Variants in SHOC1 observed in about 807,000 individuals in gnomAD.
SHOC1 encodes shortage in chiasmata 1, also known as protein shortage in chiasmata 1 ortholog.
In SHOC1, 136 loss-of-function variants were observed where a neutral mutation model predicts 179.2. The observed-to-expected ratio is 0.76, with a 90% confidence interval of 0.66 to 0.87. The LOEUF (loss-of-function observed/expected upper bound fraction) is 0.87, where lower values mean the gene tolerates loss of function less well. Among genes scored for constraint, SHOC1 ranks in the 40% least tolerant of loss-of-function variants. The pLI, the probability that SHOC1 is intolerant of heterozygous loss-of-function variation, is 0.00. For missense variants in SHOC1, 1,538 were observed against 1,700.8 expected, an observed-to-expected ratio of 0.90 and a Z score of 1.68; for synonymous variants, 489 against 586.6, an observed-to-expected ratio of 0.83 and a Z score of 2.41.
intron 16 of SHOC1, among the ~76,000 whole-genome samples, chr9:111,717,120 A>G (rs1832826726): frequency 6.6e-6 from 1 of 152,250 alleles, no homozygotes; most frequent in Non-Finnish European, 1.5e-5. Context: ...TACATTTATG[A>G]TTCACTGCTG....
Position 111,753,549 on chromosome 9 carries a change from A to C in SHOC1, c.862+2776T>G, listed in dbSNP as rs149076491. 8.2e-4 allele frequency among the ~76,000 whole-genome samples: 125 copies of C among 152,354 alleles called. 1 individual carries two copies. The East Asian group carries it at 0.022, about 26-fold the overall frequency. ...AAAATAAGAATTCTAAAAAAATTAA[A>C]AATCTTCAACAAAATACTAGTAAAT... On this transcript the variant is annotated intron_variant, in intron 8 of 27. Coordinates refer to ENST00000682961, the MANE Select transcript of SHOC1 (RefSeq NM_001378211.1).
intron 7 of SHOC1, among the ~76,000 whole-genome samples, chr9:111,757,376 A>G (rs1156294828): frequency 6.6e-6 from 1 of 152,196 alleles, no homozygotes; most frequent in East Asian, 1.9e-4. Flanking sequence ...TGCTGGGATC[A>G]CAGGCGTGAG....
chr9:111,702,458 G>T (rs1431938088), intron 22 of SHOC1, among the ~76,000 whole-genome samples: 1 of 152,148 alleles, frequency 6.6e-6, no homozygotes, highest in Non-Finnish European at 1.5e-5. Context: ...TGAATCTCCC[G>T]AGGTCCTAGA....
At chr9:111,763,291 A>G (rs1436712407) in intron 5 of SHOC1, among the ~76,000 whole-genome samples, 3 of 152,106 alleles carry the variant, frequency 2.0e-5, no homozygotes, top group Non-Finnish European at 2.9e-5. Flanking sequence ...ATATCTTAAA[A>G]TTGAAGTGCA....
chr9:111,727,718 G>C lies in SHOC1; in HGVS notation c.1749C>G (p.Asp583Glu), dbSNP rs767522835. 2 of 1,612,978 alleles carry C rather than the reference G, an allele frequency of 1.2e-6. No individual in the cohort carries two copies. Among genetic ancestry groups the C allele is most frequent in the Non-Finnish European group, 1.7e-6 (2 of 1,179,600 alleles). Residue 583 changes from aspartate (D) to glutamate (E), a missense_variant, in exon 13 of 28, where the codon GAC (aspartate) becomes GAG (glutamate). Asp to Glu is a conservative substitution (Grantham distance 45). Transcript: ENST00000682961. ...EHGKKQENDL[D>E]LLSDFIMLRN... ...GCAGCATAATAAAGTCGCTCAAAAG[G>C]TCCAAATCATTCTCTTGTTTTTTGC...
At chr9:111,694,009 T>C (rs1245984182) in intron 25 of SHOC1, 61 bp from the exon 26 acceptor site, 1 of 1,344,556 alleles carries the variant, frequency 7.4e-7, no homozygotes, top group African/African-American at 1.5e-5. Context: ...CATTTTATTC[T>C]ACAAGTAAGT....
chr9:111,735,976 A>T (rs897346467), intron 12 of SHOC1, among the ~76,000 whole-genome samples: 2 of 152,226 alleles, frequency 1.3e-5, no homozygotes, highest in Non-Finnish European at 2.9e-5. Context: ...TACTATTGTG[A>T]ATAGTGCTGT....
At chr9:111,719,895 C>A (rs867691552) in intron 15 of SHOC1, among the ~76,000 whole-genome samples, 126 of 152,226 alleles carry the variant, frequency 8.3e-4, no homozygotes, top group African/African-American at 2.7e-3. Context: ...TATAGGACAT[C>A]TAAGTTTAAT....
Position 111,703,963 on chromosome 9 carries a change from C to A in SHOC1, c.2885G>T (p.Cys962Phe), listed in dbSNP as rs755867056. The part of the protein sequence containing the change: ...NYNISLVERG[C>F]SESLKLFGSS... ...TCCAAAGAGTTTCAATGACTCACTG[C>A]AGCCTCTCTCTACTAGTGAGATGTT... The change falls in exon 22 of 28, where the codon TGC becomes TTC. Residue 962 changes from cysteine to phenylalanine, a missense_variant. Coordinates refer to ENST00000682961, the MANE Select transcript of SHOC1 (RefSeq NM_001378211.1). 2 of 1,601,216 alleles carry A rather than the reference C, an allele frequency of 1.2e-6. 1 individual carries two copies. The highest frequency in any genetic ancestry group is 2.2e-5 in the South Asian group (2 of 90,622).
intron 8 of SHOC1, among the ~76,000 whole-genome samples, chr9:111,754,218 A>G (rs763305428): frequency 1.3e-5 from 2 of 152,192 alleles, no homozygotes; most frequent in Non-Finnish European, 2.9e-5. Flanking sequence ...AAGGCAGAAA[A>G]GGAGGAATTG....
At chr9:111,788,159 C>G (rs1286646966) in intron 2 of SHOC1, among the ~76,000 whole-genome samples, 1 of 149,536 alleles carries the variant, frequency 6.7e-6, no homozygotes, top group Non-Finnish European at 1.5e-5. Context: ...CTCAGCCTCC[C>G]GCGTTCAAGC....
chr9:111,732,463 CA>C (rs1434256506), intron 12 of SHOC1, among the ~76,000 whole-genome samples: 2 of 151,770 alleles, frequency 1.3e-5, no homozygotes, highest in Non-Finnish European at 2.9e-5. Flanking sequence ...AAGACTTGCA[CA>C]AAAATATTTA....
At chr9:111,742,352 T>C (rs955072708) in intron 10 of SHOC1, among the ~76,000 whole-genome samples, 1 of 152,184 alleles carries the variant, frequency 6.6e-6, no homozygotes, top group Non-Finnish European at 1.5e-5. Context: ...CTGGATCCTC[T>C]ACTGGCTGAG....
At chr9:111,761,030 A>G (rs1320939703) in intron 5 of SHOC1, among the ~76,000 whole-genome samples, 1 of 152,050 alleles carries the variant, frequency 6.6e-6, no homozygotes, top group African/African-American at 2.4e-5. Flanking sequence ...AGATCATAAT[A>G]GAAAATCCAG....
At chr9:111,741,874 C>T (rs576362222) in intron 10 of SHOC1, among the ~76,000 whole-genome samples, 39 of 152,242 alleles carry the variant, frequency 2.6e-4, no homozygotes, top group African/African-American at 8.2e-4. Flanking sequence ...TCAAGTAATC[C>T]GCCCACCTTG....
At chr9:111,694,769 G>T (rs924578424) in intron 24 of SHOC1, among the ~76,000 whole-genome samples, 2 of 152,006 alleles carry the variant, frequency 1.3e-5, no homozygotes, top group Admixed American at 6.6e-5. Context: ...TATAGTGCAA[G>T]ATTTTTCAAA....
intron 16 of SHOC1, 63 bp downstream of exon 16, chr9:111,718,121 T>G (rs1832876977): frequency 8.4e-7 from 1 of 1,195,672 alleles, no homozygotes. Flanking sequence ...TTCAGAAAAG[T>G]AAGTTATTTC....
chr9:111,691,757 C>G lies in SHOC1; in HGVS notation c.4220G>C (p.Gly1407Ala). Residue 1407 changes from glycine to alanine, a missense_variant, in exon 27 of 28, where the codon GGC (glycine) becomes GCC (alanine). Gly to Ala is a moderately conservative substitution (Grantham distance 60, BLOSUM62 0). Coordinates refer to ENST00000682961, the MANE Select transcript of SHOC1 (RefSeq NM_001378211.1). ...ATCTTTTGAACTTTCACATGTGAGG[C>G]CTTCAGACTCATCTGATAGACATTT... The part of the protein sequence containing the change: ...QQKCLSDESE[G>A]LTCESSKDET... 2 of 1,613,952 alleles carry G rather than the reference C, an allele frequency of 1.2e-6. No homozygotes were observed. The highest frequency in any genetic ancestry group is 1.1e-5 in the South Asian group (1 of 91,076).
At chr9:111,743,784 T>C (rs1294350633) in intron 10 of SHOC1, among the ~76,000 whole-genome samples, 3 of 152,162 alleles carry the variant, frequency 2.0e-5, no homozygotes, top group African/African-American at 2.4e-5. Context: ...CAGGCATCCA[T>C]TTAAGGTCTT....
Sources: allele counts gnomAD v4.1 joint callset (sites outside exome capture counted in the v4.1 genomes callset), GRCh38; gene constraint gnomAD v4.1.1; transcripts MANE v1.5; gene names NCBI Gene and HGNC (gene_info 2026-07-23, HGNC 2026-07-21).